RBFOX1: variants seen among roughly 807,000 people sequenced by gnomAD.
The protein encoded by RBFOX1 is RNA binding fox-1 homolog 1, also known as RNA binding protein fox-1 homolog 1.
In RBFOX1, 8 loss-of-function variants were observed where a neutral mutation model predicts 57.7. The observed-to-expected ratio is 0.14, with a 90% CI of 0.08 to 0.25. The LOEUF (loss-of-function observed/expected upper bound fraction) is 0.25, where lower values mean the gene tolerates loss of function less well. RBFOX1 is among the 10% of genes least tolerant of loss of function. The pLI, the probability that RBFOX1 is intolerant of heterozygous loss-of-function variation, is 1.00. For missense variants in RBFOX1, 611 were observed against 548.5 expected (o/e 1.11, Z -1.14); for synonymous variants, 326 against 222.4 (o/e 1.47, Z -4.15).
chr16:5,706,831 G>C (rs1032237992), intron 3 of RBFOX1, among the ~76,000 whole-genome samples: 1 of 152,054 alleles, frequency 6.6e-6, no homozygotes, highest in Admixed American at 6.5e-5. Flanking sequence ...TGGGGCAGGG[G>C]GCAAGAGGGC....
intron 10 of RBFOX1, among the ~76,000 whole-genome samples, chr16:7,617,382 C>G (rs1348351711): frequency 6.6e-6 from 1 of 151,748 alleles, no homozygotes; most frequent in Non-Finnish European, 1.5e-5. Flanking sequence ...TGTTTTTTTT[C>G]AAACATCCAA....
intron 1 of RBFOX1, among the ~76,000 whole-genome samples, chr16:6,089,285 G>A (rs1474220826): frequency 6.6e-6 from 1 of 152,074 alleles, no homozygotes; most frequent in African/African-American, 2.4e-5. Context: ...ATTCAGCTGA[G>A]TCTTACACAA....
In RBFOX1 at chr16:6,893,827, G is replaced by T. The variant is rs113014832; in HGVS notation, c.-15-158230G>T. Among the ~76,000 whole-genome samples the T allele has an allele frequency of 2.6e-5, 4 of 152,258 alleles. 1 individual carries two copies. The highest frequency in any genetic ancestry group is 9.6e-5 in the African/African-American group (4 of 41,566). Reference sequence around the variant, plus strand: ...AACTTATAATCACTAATAAAAATATGCTTAATACTTCAGGGCCAATGGAAT... The same window carrying T: ...AACTTATAATCACTAATAAAAATATTCTTAATACTTCAGGGCCAATGGAAT... On this transcript the variant is annotated intron_variant, in intron 3 of 15. Transcript: ENST00000550418.
chr16:6,770,796 T>C (rs974011816), intron 3 of RBFOX1, among the ~76,000 whole-genome samples: 7 of 152,132 alleles, frequency 4.6e-5, no homozygotes, highest in Admixed American at 3.9e-4. Flanking sequence ...AGTTACTCTT[T>C]ATATGACAGG....
At chr16:6,284,486 G>A (rs1432060105) in intron 1 of RBFOX1, among the ~76,000 whole-genome samples, 4 of 152,142 alleles carry the variant, frequency 2.6e-5, no homozygotes, top group Non-Finnish European at 5.9e-5. Flanking sequence ...AACTGCAGGT[G>A]GGTGGGCTGC....
At chr16:6,210,311 C>A (rs1307934594) in intron 1 of RBFOX1, among the ~76,000 whole-genome samples, 1 of 90,684 alleles carries the variant, frequency 1.1e-5, no homozygotes, top group African/African-American at 4.0e-5. Context: ...GAGTGCAATT[C>A]TGTCTGAAAA....
chr16:5,314,130 C>T (rs1315343066), intron 1 of RBFOX1, among the ~76,000 whole-genome samples: 1 of 152,194 alleles, frequency 6.6e-6, no homozygotes, highest in East Asian at 1.9e-4. Flanking sequence ...GAGCTGGGTG[C>T]TGTATTATCT....
rs141243400 is a variant in RBFOX1, at chr16:6,574,764, C to T, written c.-63-79839C>T. On this transcript the variant is annotated intron_variant, in intron 2 of 15. Transcript: ENST00000550418. ...TAAGAACCAGCAACCACGGGCTGGG[C>T]GTGGTGGCTCACGCCTGTAATCCCA... Among the ~76,000 whole-genome samples, 512 of 141,404 alleles carry T rather than the reference C, an allele frequency of 3.6e-3. 4 individuals carry two copies. The highest frequency in any genetic ancestry group is 0.012 in the African/African-American group (484 of 39,288). The allele number at this position is 141,404 out of a possible 152,430, so 92.8% of individuals were successfully genotyped here.
intron 4 of RBFOX1, among the ~76,000 whole-genome samples, chr16:7,306,988 AG>A (rs968984886): frequency 6.6e-6 from 1 of 152,216 alleles, no homozygotes; most frequent in Non-Finnish European, 1.5e-5. Context: ...TTGATCTCAA[AG>A]TAAATTGATC....
intron 3 of RBFOX1, among the ~76,000 whole-genome samples, chr16:7,046,225 T>C: frequency 6.8e-6 from 1 of 146,398 alleles, no homozygotes; most frequent in East Asian, 2.1e-4. Context: ...AAGTGTGAGG[T>C]TTAGGTAAAG....
intron 3 of RBFOX1, among the ~76,000 whole-genome samples, chr16:5,817,582 G>T (rs954314696): frequency 6.6e-6 from 1 of 152,128 alleles, no homozygotes; most frequent in African/African-American, 2.4e-5. Flanking sequence ...GACCCTTAGT[G>T]GGAGAAGCCC....
At position 5,373,851 on chromosome 16, in the gene RBFOX1, G is replaced by C. The variant is rs183126222; in HGVS notation, c.220-93365G>C. On this transcript the variant is annotated intron_variant, in intron 1 of 2. Transcript: ENST00000585867. ...ACTCCTGACCTCAAGTGATCCACCT[G>C]CCGTGGCCTCCCAAAGTGTTGGGAT... Among the ~76,000 whole-genome samples, 470 of 152,260 alleles carry C rather than the reference G, an allele frequency of 3.1e-3. 4 individuals carry two copies. The highest frequency in any genetic ancestry group is 0.013 in the South Asian group (64 of 4,820).
At chr16:6,224,221 A>AT (rs71142701) in intron 1 of RBFOX1, among the ~76,000 whole-genome samples, 1 of 151,526 alleles carries the variant, frequency 6.6e-6, no homozygotes, top group African/African-American at 2.4e-5. Context: ...TAAAGTAGTT[A>AT]TTTTTTTCCA....
intron 4 of RBFOX1, among the ~76,000 whole-genome samples, chr16:7,223,351 C>T (rs539134605): frequency 1.3e-5 from 2 of 152,296 alleles, no homozygotes; most frequent in South Asian, 4.1e-4. Context: ...ACAGTCAGTG[C>T]TAGAAAGGGC....
chr16:6,000,929 A>T (rs1207356579), intron 4 of RBFOX1, among the ~76,000 whole-genome samples: 1 of 148,772 alleles, frequency 6.7e-6, no homozygotes, highest in African/African-American at 2.5e-5. Context: ...ATTTAGATGG[A>T]TGGGTGGTTG....
chr16:6,639,744 TG>T (rs1248949523), intron 2 of RBFOX1, among the ~76,000 whole-genome samples: 3 of 152,098 alleles, frequency 2.0e-5, no homozygotes, highest in Middle Eastern at 3.4e-3. Flanking sequence ...TTGGTCAAGG[TG>T]TTGGGCGCCT....
At chr16:6,551,098 C>G (rs1599594068) in intron 2 of RBFOX1, among the ~76,000 whole-genome samples, 2 of 152,190 alleles carry the variant, frequency 1.3e-5, no homozygotes, top group East Asian at 3.9e-4. Context: ...GATAATGGCT[C>G]TGCGTTTTGG....
intron 2 of RBFOX1, among the ~76,000 whole-genome samples, chr16:6,370,080 C>A (rs768517843): frequency 1.3e-5 from 2 of 151,994 alleles, no homozygotes; most frequent in African/African-American, 4.8e-5. Context: ...TACGCTGGGC[C>A]GGGTGCGGTG....
At chr16:6,242,637 C>CACAT (rs1248094758) in intron 1 of RBFOX1, among the ~76,000 whole-genome samples, 2 of 104,822 alleles carry the variant, frequency 1.9e-5, no homozygotes, top group South Asian at 3.6e-4. Flanking sequence ...CAAACACACA[C>CACAT]ACACACACAC....
Sources: gnomAD v4.1 joint callset for allele counts (sites outside exome capture counted in the v4.1 genomes callset) on GRCh38, gnomAD v4.1.1 for gene constraint, MANE v1.5 for transcripts, NCBI Gene and HGNC (gene_info 2026-07-23, HGNC 2026-07-21) for gene names.